The following CTNNA2 variants were observed in gnomAD, a reference collection of about 807,000 sequenced individuals.
CTNNA2 encodes catenin alpha-2.
A neutral mutation model predicts 101.0 loss-of-function variants in CTNNA2; 42 were observed. The observed-to-expected ratio is 0.42, with a 90% CI of 0.32 to 0.54. The LOEUF is 0.54. CTNNA2 is among the 20% of genes least tolerant of loss of function. The pLI is 0.14. For missense variants in CTNNA2, 871 were observed against 1,223.1 expected, an observed-to-expected ratio of 0.71 and a Z score of 4.29; for synonymous variants, 450 against 456.4, an observed-to-expected ratio of 0.99 and a Z score of 0.18.
In CTNNA2 at chr2:79,744,597, A is replaced by G. The variant is rs748265137; in HGVS notation, c.298+15A>G. The G allele has an allele frequency of 8.7e-6, 14 of 1,610,944 alleles. No individual in the cohort carries two copies. The highest frequency in any genetic ancestry group is 1.1e-5 in the Non-Finnish European group (13 of 1,178,260). On this transcript the variant is annotated intron_variant, in intron 3 of 18. Coordinates refer to ENST00000402739, the MANE Select transcript of CTNNA2 (RefSeq NM_001282597.3). The stretch of plus-strand genomic sequence containing the variant: ...GCGCAAACAAGGTAGGCAGAATGAT[A>G]TTATTGTTCAAGGCGGATCTATACT...
In CTNNA2 at chr2:80,250,204, AGT is replaced by A. The variant is rs56664173; in HGVS notation, c.1057-142978_1057-142977del. On this transcript the variant is annotated intron_variant, in intron 7 of 18. Transcript: ENST00000402739. ...GGGGGAGAGAGAGAGAGAGAGAGAGAGTGTGTGTGTGTGTGTGTGTGTGTGTG... is the reference window on the plus strand; with the variant it reads ...GGGGGAGAGAGAGAGAGAGAGAGAGAGTGTGTGTGTGTGTGTGTGTGTGTG... 6.2e-3 allele frequency among the ~76,000 whole-genome samples: 599 copies of A among 96,378 alleles called. 2 individuals are homozygous for A. Among genetic ancestry groups the A allele is most frequent in the East Asian group, 0.043 (143 of 3,348 alleles). The allele number at this position is 96,378 out of a possible 152,430, so 63.2% of individuals were successfully genotyped here.
chr2:79,262,190 A>C (rs1452964447), intron 2 of CTNNA2, among the ~76,000 whole-genome samples: 1 of 152,098 alleles, frequency 6.6e-6, no homozygotes, highest in Non-Finnish European at 1.5e-5. Flanking sequence ...AATAAACAAA[A>C]CATAGGGCCC....
chr2:79,565,052 G>A (rs1017197804), intron 1 of CTNNA2, among the ~76,000 whole-genome samples: 4 of 151,974 alleles, frequency 2.6e-5, no homozygotes, highest in African/African-American at 9.7e-5. Context: ...TTGGGCAGTT[G>A]GGGAGAGCAA....
chr2:79,563,261 TA>T, intron 1 of CTNNA2, among the ~76,000 whole-genome samples: 1 of 151,614 alleles, frequency 6.6e-6, no homozygotes, highest in Non-Finnish European at 1.5e-5. Context: ...TATACTTACA[TA>T]AAAAAGTATT....
intron 18 of CTNNA2, among the ~76,000 whole-genome samples, chr2:80,622,578 A>G (rs1671241392): frequency 6.6e-6 from 1 of 151,914 alleles, no homozygotes; most frequent in Admixed American, 6.6e-5. Flanking sequence ...GAACATGATT[A>G]TGCAAGTCTC....
At chr2:79,543,886 GACA>G (rs753652686) in intron 1 of CTNNA2, among the ~76,000 whole-genome samples, 15 of 152,114 alleles carry the variant, frequency 9.9e-5, no homozygotes, top group Admixed American at 2.0e-4. Context: ...AGTAGAAAAG[GACA>G]ACAAGTATTC....
chr2:80,606,367 A>AAAACACACACACACACACACAC (rs1698003016), intron 16 of CTNNA2, among the ~76,000 whole-genome samples: 1 of 137,424 alleles, frequency 7.3e-6, no homozygotes, highest in Non-Finnish European at 1.6e-5. Context: ...AAACACATCA[A>AAAACACACACACACACACACAC]ACACACACAC....
chr2:80,309,311 C>G (rs570308364), intron 7 of CTNNA2, among the ~76,000 whole-genome samples: 1 of 152,242 alleles, frequency 6.6e-6, no homozygotes, highest in South Asian at 2.1e-4. Flanking sequence ...TGGCAAATCT[C>G]CTCTATGATT....
chr2:80,090,789 A>G (rs1699746905), intron 7 of CTNNA2, among the ~76,000 whole-genome samples: 1 of 152,088 alleles, frequency 6.6e-6, no homozygotes, highest in African/African-American at 2.4e-5. Flanking sequence ...GGTAATCCAA[A>G]CATCACATAA....
At chr2:80,249,734 A>G (rs539989781) in intron 7 of CTNNA2, among the ~76,000 whole-genome samples, 100 of 152,262 alleles carry the variant, frequency 6.6e-4, no homozygotes, top group Non-Finnish European at 1.2e-3. Context: ...ACATCCTGGC[A>G]TGTTACACAT....
At chr2:80,112,134 CAG>C (rs1701252427) in intron 7 of CTNNA2, among the ~76,000 whole-genome samples, 1 of 152,046 alleles carries the variant, frequency 6.6e-6, no homozygotes, top group African/African-American at 2.4e-5. Flanking sequence ...TAAAGTAAGA[CAG>C]GGCGATGAGA....
intron 7 of CTNNA2, among the ~76,000 whole-genome samples, chr2:79,996,589 T>G (rs1692560658): frequency 6.6e-6 from 1 of 152,184 alleles, no homozygotes; most frequent in Admixed American, 6.5e-5. Context: ...AGATGATCCT[T>G]TTTTGAGTCA....
intron 7 of CTNNA2, among the ~76,000 whole-genome samples, chr2:80,294,601 GC>G (rs1346521112): frequency 6.6e-6 from 1 of 151,972 alleles, no homozygotes; most frequent in Non-Finnish European, 1.5e-5. Flanking sequence ...GTGCTTCTCA[GC>G]CTTAGCTGAA....
At chr2:79,512,646 C>G (rs995429940), upstream of CTNNA2, among the ~76,000 whole-genome samples, 1 of 151,888 alleles carries the variant, frequency 6.6e-6, no homozygotes, top group Non-Finnish European at 1.5e-5. Flanking sequence ...GCTCCGGGTC[C>G]CCGCCCGCAG....
At chr2:79,658,278 C>A (rs61313964) in intron 2 of CTNNA2, among the ~76,000 whole-genome samples, 2,817 of 151,948 alleles carry the variant, frequency 0.019, 88 homozygotes, top group African/African-American at 0.063. Context: ...TACTTAACCG[C>A]TCCTTAAATG....
intron 3 of CTNNA2, among the ~76,000 whole-genome samples, chr2:79,331,763 A>G (rs1036918973): frequency 6.6e-6 from 1 of 152,208 alleles, no homozygotes; most frequent in Non-Finnish European, 1.5e-5. Context: ...ATATAAAAGC[A>G]TTATGAACTC....
Position 80,068,033 on chromosome 2 carries a change from C to T in CTNNA2, c.1056+158236C>T, listed in dbSNP as rs77183559. Among the ~76,000 whole-genome samples, 42 of 152,322 alleles carry T rather than the reference C, an allele frequency of 2.8e-4. No individual in the cohort carries two copies. In the East Asian group the frequency reaches 7.7e-3, roughly 28 times the overall value. ...CACAGAAACTATGAGAGATAGTAAA[C>T]ATTTGTTGTTTCTTCAAGCCTCTAA... On this transcript the variant is annotated intron_variant, in intron 7 of 18. Transcript: ENST00000402739.
chr2:80,501,307 C>T (rs1349857585), intron 9 of CTNNA2, among the ~76,000 whole-genome samples: 1 of 152,154 alleles, frequency 6.6e-6, no homozygotes, highest in Non-Finnish European at 1.5e-5. Flanking sequence ...AATATATCAC[C>T]GTAACTCTTT....
chr2:80,438,686 G>T (rs1014614153), intron 9 of CTNNA2, among the ~76,000 whole-genome samples: 1 of 151,808 alleles, frequency 6.6e-6, no homozygotes, highest in African/African-American at 2.4e-5. Context: ...TTGAACTCTA[G>T]AGTCTGGTCC....
Sources: allele counts gnomAD v4.1 joint callset (sites outside exome capture counted in the v4.1 genomes callset), GRCh38; gene constraint gnomAD v4.1.1; transcripts MANE v1.5; gene names NCBI Gene and HGNC (gene_info 2026-07-23, HGNC 2026-07-21).